Variants in ITGA8 observed in about 807,000 individuals in gnomAD.
ITGA8 encodes the protein integrin alpha-8.
Under a neutral mutation model 142.3 loss-of-function variants are expected in ITGA8, and 91 were observed. The ratio of observed to expected loss-of-function variants is 0.64; its 90% CI spans 0.54 to 0.76. The LOEUF is 0.76. Among genes scored for constraint, ITGA8 ranks in the 30% least tolerant of loss-of-function variants. The pLI, the probability that ITGA8 is intolerant of heterozygous loss-of-function variation, is 0.00. For missense variants in ITGA8, 1,406 were observed against 1,327.7 expected, an observed-to-expected ratio of 1.06 and a Z score of -0.92; for synonymous variants, 505 against 485.2, an observed-to-expected ratio of 1.04 and a Z score of -0.54.
chr10:15,527,487 A>C (rs369679335), intron 28 of ITGA8, among the ~76,000 whole-genome samples: 1 of 152,230 alleles, frequency 6.6e-6, no homozygotes, highest in Non-Finnish European at 1.5e-5. Flanking sequence ...AAAGTGTTCA[A>C]ATAATTGAAT....
At chr10:15,687,749 C>T (rs975790085) in intron 3 of ITGA8, among the ~76,000 whole-genome samples, 189 bp downstream of exon 3, 2 of 152,130 alleles carry the variant, frequency 1.3e-5, no homozygotes, top group Non-Finnish European at 2.9e-5. Context: ...GCTTTATTTC[C>T]TATAGCTTTA....
chr10:15,598,281 G>C (rs1378187543), intron 20 of ITGA8, among the ~76,000 whole-genome samples: 1 of 152,114 alleles, frequency 6.6e-6, no homozygotes, highest in Non-Finnish European at 1.5e-5. Context: ...TCGGAAGAGG[G>C]TTCTCAATAT....
intron 2 of ITGA8, among the ~76,000 whole-genome samples, chr10:15,693,691 T>C (rs1302103908): frequency 1.3e-5 from 2 of 152,198 alleles, no homozygotes; most frequent in Admixed American, 1.3e-4. Context: ...GGGCAATTCA[T>C]TTAATCTTTT....
At chr10:15,654,904 CTG>C (rs1251031007) in intron 11 of ITGA8, among the ~76,000 whole-genome samples, 1 of 152,192 alleles carries the variant, frequency 6.6e-6, no homozygotes, top group Admixed American at 6.5e-5. Context: ...CCATGTTCAA[CTG>C]TAATTTACTA....
At chr10:15,550,117 A>T (rs549634530) in intron 26 of ITGA8, among the ~76,000 whole-genome samples, 39 of 152,270 alleles carry the variant, frequency 2.6e-4, no homozygotes, top group African/African-American at 9.1e-4. Context: ...AAGTCTCACG[A>T]GATCTGATGG....
chr10:15,705,200 A>T (rs960072202), intron 2 of ITGA8, among the ~76,000 whole-genome samples: 1 of 152,200 alleles, frequency 6.6e-6, no homozygotes, highest in African/African-American at 2.4e-5. Context: ...AAGGTTACTT[A>T]TCCAACTTCC....
chr10:15,709,077 A>T lies in ITGA8; in HGVS notation c.343+9689T>A, dbSNP rs573409293. 2.6e-5 allele frequency among the ~76,000 whole-genome samples: 4 copies of T among 152,344 alleles called. No homozygotes were observed. The South Asian group carries it at 6.2e-4, about 24-fold the overall frequency. ...AACAAAGGCCCCATCCTATGAATCC[A>T]ATAGGTTGATTTCGTTTGTGAATTC... On this transcript the variant is annotated intron_variant, in intron 2 of 29. Transcript: ENST00000378076.
chr10:15,643,455 T>G (rs1833906369), intron 13 of ITGA8, among the ~76,000 whole-genome samples: 1 of 152,124 alleles, frequency 6.6e-6, no homozygotes, highest in Admixed American at 6.5e-5. Context: ...AATTTTTGTA[T>G]TATTAGTAGA....
At chr10:15,628,840 C>T (rs1402617596) in intron 13 of ITGA8, among the ~76,000 whole-genome samples, 3 of 151,860 alleles carry the variant, frequency 2.0e-5, no homozygotes, top group African/African-American at 7.3e-5. Context: ...TACCCCATAA[C>T]TACAAATATT....
rs1436557510 is a variant in ITGA8 at position 15,687,923 on chromosome 10, A to G, written c.444+15T>C. The G allele has an allele frequency of 5.3e-6, 8 of 1,499,540 alleles. No homozygotes were observed. Among genetic ancestry groups the G allele is most frequent in the Non-Finnish European group, 7.4e-6 (8 of 1,075,418 alleles). 92.9% of individuals were successfully genotyped at this position (1,499,540 alleles called of 1,614,324 possible). ...TACTCCAAAGCAGCAGCACAAGCCC[A>G]CGGCTCATACTCACCACAACTTTTC... On this transcript the variant is annotated intron_variant, in intron 3 of 29. Transcript: ENST00000378076.
At chr10:15,694,131 A>G (rs2131716573) in intron 2 of ITGA8, among the ~76,000 whole-genome samples, 1 of 143,116 alleles carries the variant, frequency 7.0e-6, no homozygotes, top group South Asian at 2.1e-4. Flanking sequence ...TATCTATATT[A>G]TATAGATAAT....
chr10:15,650,858 C>T (rs1023884201), intron 11 of ITGA8, among the ~76,000 whole-genome samples: 1 of 152,138 alleles, frequency 6.6e-6, no homozygotes, highest in Non-Finnish European at 1.5e-5. Context: ...CAAGAGCTAA[C>T]ATCACTTCAA....
intron 23 of ITGA8, among the ~76,000 whole-genome samples, chr10:15,582,839 A>T (rs753587848): frequency 1.6e-4 from 24 of 152,280 alleles, no homozygotes; most frequent in Non-Finnish European, 3.1e-4. Flanking sequence ...TGAAGAATGG[A>T]AACAGTATAG....
intron 25 of ITGA8, among the ~76,000 whole-genome samples, chr10:15,564,687 G>A (rs530034852): frequency 3.9e-5 from 6 of 152,302 alleles, no homozygotes; most frequent in South Asian, 2.1e-4. Context: ...CAGTACAGTC[G>A]GAAATGTGGC....
chr10:15,656,756 A>G (rs1834193080), intron 10 of ITGA8, among the ~76,000 whole-genome samples: 1 of 152,108 alleles, frequency 6.6e-6, no homozygotes, highest in Non-Finnish European at 1.5e-5. Flanking sequence ...GATTTGACCC[A>G]TAGTTTCAGG....
intron 25 of ITGA8, among the ~76,000 whole-genome samples, chr10:15,563,175 A>T (rs1464683360): frequency 6.6e-6 from 1 of 151,856 alleles, no homozygotes; most frequent in South Asian, 2.1e-4. Context: ...TGCCAGCTCC[A>T]TGCTTCTTGT....
intron 27 of ITGA8, among the ~76,000 whole-genome samples, chr10:15,541,546 G>A (rs1452715308): frequency 1.3e-5 from 2 of 152,212 alleles, no homozygotes; most frequent in Non-Finnish European, 2.9e-5. Flanking sequence ...GGTTAGTTTT[G>A]ACTGGTTTCA....
At chr10:15,717,224 A>T (rs1380210524) in intron 2 of ITGA8, among the ~76,000 whole-genome samples, 1 of 152,242 alleles carries the variant, frequency 6.6e-6, no homozygotes, top group Non-Finnish European at 1.5e-5. Flanking sequence ...TTCCACGACC[A>T]TAAATTGCTT....
chr10:15,712,699 G>A (rs1259519861), intron 2 of ITGA8, among the ~76,000 whole-genome samples: 1 of 152,114 alleles, frequency 6.6e-6, no homozygotes, highest in Non-Finnish European at 1.5e-5. Context: ...TCGTAAAGTT[G>A]GCAACTCTCT....
Sources: allele counts gnomAD v4.1 joint callset (sites outside exome capture counted in the v4.1 genomes callset), GRCh38; gene constraint gnomAD v4.1.1; transcripts MANE v1.5; gene names NCBI Gene and HGNC (gene_info 2026-07-23, HGNC 2026-07-21).